Variants in NDUFA10 observed in about 807,000 individuals in gnomAD.
The protein encoded by NDUFA10 is NADH dehydrogenase [ubiquinone] 1 alpha subcomplex subunit 10, mitochondrial.
In NDUFA10, 40 loss-of-function variants were observed where a neutral mutation model predicts 47.8. The ratio of observed to expected loss-of-function variants is 0.84; its 90% CI spans 0.65 to 1.09. The LOEUF is 1.09. NDUFA10 is among the 50% of genes least tolerant of loss of function. NDUFA10 has a pLI of 0.00. For missense variants in NDUFA10, 413 were observed against 451.1 expected (o/e 0.92, Z 0.76); for synonymous variants, 183 against 172.2 (o/e 1.06, Z -0.49).
chr2:239,900,943 A>G lies in NDUFA10; in HGVS notation c.295-5629T>C, dbSNP rs993093581. ...TGATGGAGACGCTGCAGCAAGTTAT[A>G]CAGAAGATCTAGCTGAGATCATGGA... On this transcript the variant is annotated intron_variant, in intron 4 of 5. Transcript: ENST00000419408. 3.9e-5 allele frequency among the ~76,000 whole-genome samples: 6 copies of G among 152,266 alleles called. No homozygotes were observed. The South Asian group carries it at 8.3e-4, about 21-fold the overall frequency.
chr2:239,938,016 C>T (rs1694294794), intron 4 of NDUFA10, among the ~76,000 whole-genome samples: 1 of 152,172 alleles, frequency 6.6e-6, no homozygotes, highest in Non-Finnish European at 1.5e-5. Flanking sequence ...CACTGCTGTG[C>T]TTCTGCGGCT....
At chr2:239,973,569 G>T in intron 9 of NDUFA10, 1 of 469,162 alleles carries the variant, frequency 2.1e-6, no homozygotes, top group Non-Finnish European at 4.4e-6. Flanking sequence ...CTTCAAGGAG[G>T]GAACGATCAG....
chr2:239,901,315 T>C (rs1693544969), intron 4 of NDUFA10, among the ~76,000 whole-genome samples: 1 of 152,160 alleles, frequency 6.6e-6, no homozygotes. Context: ...TGCAGTGAGC[T>C]ATGATCACGC....
chr2:240,010,090 T>C (rs1697082851), intron 6 of NDUFA10, among the ~76,000 whole-genome samples: 1 of 152,266 alleles, frequency 6.6e-6, no homozygotes, highest in Admixed American at 6.5e-5. Flanking sequence ...AGTTTGATCT[T>C]GGTCTACAAT....
In NDUFA10 at chr2:239,959,415, GCTTT is replaced by G. The variant is rs1002202532; in HGVS notation, c.*1699_*1702del. ...GGAACAGCTAAGATAATTAAAGATG[GCTTT>G]CTTTTTCTTTCCTCCCCTCCACAAT... On this transcript the variant is annotated 3_prime_UTR_variant, in exon 10 of 10. Coordinates refer to ENST00000252711, the MANE Select transcript of NDUFA10 (RefSeq NM_004544.4). 6.1e-6 allele frequency: 6 copies of G among 985,350 alleles called. No homozygotes were observed. Among genetic ancestry groups the G allele is most frequent in the East Asian group, 2.3e-4 (2 of 8,828 alleles). The allele number at this position is 985,350 out of a possible 1,614,324, so 61.0% of individuals were successfully genotyped here.
At chr2:240,021,005 T>C in intron 3 of NDUFA10, 192 bp downstream of exon 3, 2 of 643,576 alleles carry the variant, frequency 3.1e-6, no homozygotes, top group Non-Finnish European at 2.8e-6. Flanking sequence ...GTATCCATAG[T>C]GAAACAGCAT....
intron 4 of NDUFA10, among the ~76,000 whole-genome samples, chr2:239,907,063 A>G: frequency 6.6e-6 from 1 of 152,224 alleles, no homozygotes; most frequent in Non-Finnish European, 1.5e-5. Context: ...AAACAGAGAT[A>G]TAGACCAATG....
At chr2:239,949,078 T>C (rs1405184913) in intron 4 of NDUFA10, among the ~76,000 whole-genome samples, 1 of 152,188 alleles carries the variant, frequency 6.6e-6, no homozygotes, top group East Asian at 1.9e-4. Flanking sequence ...AATGGACACA[T>C]GTCCCTCTTT....
At chr2:239,937,345 C>T (rs1293827013) in intron 4 of NDUFA10, among the ~76,000 whole-genome samples, 1 of 152,196 alleles carries the variant, frequency 6.6e-6, no homozygotes, top group Non-Finnish European at 1.5e-5. Flanking sequence ...AAAAGGATGC[C>T]TCATGCCCAT....
intron 4 of NDUFA10, among the ~76,000 whole-genome samples, chr2:239,940,392 G>A (rs560595872): frequency 6.6e-6 from 1 of 152,312 alleles, no homozygotes; most frequent in African/African-American, 2.4e-5. Context: ...ACACTGTCAC[G>A]GCTATTCCCA....
chr2:239,975,636 T>C (rs1376595516), intron 9 of NDUFA10, among the ~76,000 whole-genome samples: 1 of 152,204 alleles, frequency 6.6e-6, no homozygotes, highest in African/African-American at 2.4e-5. Context: ...CTGGTATTGT[T>C]ACCACTGCGA....
intron 5 of NDUFA10, among the ~76,000 whole-genome samples, chr2:239,894,695 T>TA (rs892425579): frequency 8.5e-5 from 13 of 152,194 alleles, no homozygotes; most frequent in African/African-American, 3.1e-4. Flanking sequence ...TCCGTCTCTG[T>TA]GGCTGTCCCT....
intron 4 of NDUFA10, among the ~76,000 whole-genome samples, chr2:239,926,590 T>C (rs1010784221): frequency 6.9e-6 from 1 of 145,644 alleles, no homozygotes; most frequent in Non-Finnish European, 1.5e-5. Context: ...TTTATCATAA[T>C]TTTGGAGTGT....
rs1574852100 is a variant in NDUFA10 at position 239,987,567 on chromosome 2, A to C, written c.999+2507T>G. On this transcript the variant is annotated intron_variant, in intron 9 of 9. Coordinates refer to ENST00000252711, the MANE Select transcript of NDUFA10 (RefSeq NM_004544.4). This position sits in a 1 kb window ranked among gnomAD's most constrained non-coding sequence, Gnocchi z 4.8. ...TTCTTTTTTTAGTTTGGAACATCCC[A>C]AACTACCCAAACTAAAAAAAAACAA... 6.6e-6 allele frequency among the ~76,000 whole-genome samples: 1 copy of C among 152,218 alleles called. No individual in the cohort carries two copies. Among genetic ancestry groups the C allele is most frequent in the Non-Finnish European group, 1.5e-5 (1 of 68,042 alleles).
chr2:239,923,094 G>A (rs535983457), intron 4 of NDUFA10, among the ~76,000 whole-genome samples: 1 of 152,268 alleles, frequency 6.6e-6, no homozygotes, highest in East Asian at 1.9e-4. Context: ...CATACATCAT[G>A]ATGAAAGGGT....
rs991758668 is a variant in NDUFA10, at chr2:240,016,961, G to A, written c.547+1592C>T. Among the ~76,000 whole-genome samples the A allele has an allele frequency of 2.6e-5, 4 of 152,024 alleles. No homozygotes were observed. The highest frequency in any genetic ancestry group is 4.4e-5 in the Non-Finnish European group (3 of 67,994). On this transcript the variant is annotated intron_variant, in intron 4 of 9. Transcript: ENST00000252711. This position sits in a 1 kb window ranked among gnomAD's most constrained non-coding sequence, Gnocchi z 4.4. ...GGCCCACTAGCCAGGGCAGGTCCAC[G>A]CCACTCCCCACTGTGCACACAGGAA... is the stretch of plus-strand genomic sequence containing the variant.
At chr2:239,996,827 C>T (rs1247995519) in intron 8 of NDUFA10, among the ~76,000 whole-genome samples, 6 of 149,126 alleles carry the variant, frequency 4.0e-5, no homozygotes, top group African/African-American at 1.5e-4. Context: ...TTTTTTAACT[C>T]ATCAGCTATC....
intron 1 of NDUFA10, among the ~76,000 whole-genome samples, chr2:240,023,662 T>G (rs1697736273): frequency 5.3e-5 from 8 of 152,170 alleles, no homozygotes; most frequent in Admixed American, 5.2e-4. Flanking sequence ...GAATACTAAG[T>G]ACTCAGAAAA....
intron 4 of NDUFA10, among the ~76,000 whole-genome samples, chr2:239,920,050 C>G (rs1272566152): frequency 2.0e-5 from 3 of 152,174 alleles, no homozygotes; most frequent in Non-Finnish European, 2.9e-5. Context: ...GCTTCCCCCC[C>G]ATTCATATGT....
Sources: gnomAD v4.1 joint callset for allele counts (sites outside exome capture counted in the v4.1 genomes callset) on GRCh38, gnomAD v4.1.1 for gene constraint, Gnocchi (gnomAD v3.1) non-coding constraint, MANE v1.5 for transcripts, NCBI Gene and HGNC (gene_info 2026-07-23, HGNC 2026-07-21) for gene names.